The following TMEM230 variants were observed in gnomAD, a reference collection of about 807,000 sequenced individuals.
The protein encoded by TMEM230 is transmembrane protein 230, also known as UPF0414 transmembrane protein C20orf30.
Under a neutral mutation model 15.8 loss-of-function variants are expected in TMEM230, and 10 were observed. The ratio of observed to expected loss-of-function variants is 0.63; its 90% CI spans 0.39 to 1.07. TMEM230 has a LOEUF of 1.07. Ranked by LOEUF, TMEM230 falls within the 50% of genes least tolerant of loss-of-function variation. TMEM230 has a pLI of 0.01. For missense variants in TMEM230, 165 were observed against 193.3 expected (o/e 0.85, Z 0.87); for synonymous variants, 67 against 76.9 (o/e 0.87, Z 0.68).
intron 3 of TMEM230, among the ~76,000 whole-genome samples, chr20:5,094,110 C>A (rs1202548960): frequency 6.6e-6 from 1 of 152,008 alleles, no homozygotes; most frequent in Non-Finnish European, 1.5e-5. Context: ...AGGCACGTGC[C>A]ACCATACCTG....
At chr20:5,067,898 T>C (rs2088701587), downstream of TMEM230, 3 of 151,848 alleles carry the variant, frequency 2.0e-5, no homozygotes, top group South Asian at 6.2e-4. Flanking sequence ...TAGCTGGGAG[T>C]ACAGGCATGC....
chr20:5,109,213 CT>C, intron 3 of TMEM230, 118 bp downstream of exon 2: 1 of 738,872 alleles, frequency 1.4e-6, no homozygotes, highest in Non-Finnish European at 2.2e-6. Context: ...GCTGAGTTTT[CT>C]TCTTGTTGCT....
intron 3 of TMEM230, among the ~76,000 whole-genome samples, chr20:5,089,960 A>G (rs2089460740): frequency 6.6e-6 from 1 of 152,094 alleles, no homozygotes; most frequent in East Asian, 1.9e-4. Flanking sequence ...CGGAGGTTGC[A>G]GTGGGCTATC....
chr20:5,088,101 G>A (rs1351450625), intron 3 of TMEM230, among the ~76,000 whole-genome samples: 4 of 150,050 alleles, frequency 2.7e-5, no homozygotes, highest in Non-Finnish European at 4.4e-5. Context: ...CTGAGGTCAG[G>A]AGTTTGAAAC....
chr20:5,108,229 G>A (rs536817839), intron 3 of TMEM230, among the ~76,000 whole-genome samples: 7 of 152,140 alleles, frequency 4.6e-5, no homozygotes, highest in Non-Finnish European at 8.8e-5. Flanking sequence ...AGACCAGCCT[G>A]ACCAACATGG....
chr20:5,083,590 TTTATC>T lies in TMEM230; in HGVS notation c.223-14246_223-14242del, dbSNP rs377402283. ...CATTTGTTTTAACCCACAGCTTGGT[TTTATC>T]TTATTATAATTTATTTACAATCTTA... On this transcript the variant is annotated intron_variant, in intron 3 of 3. Coordinates refer to the TMEM230 transcript ENST00000612323. Among the ~76,000 whole-genome samples, 546 of 152,248 alleles carry T rather than the reference TTTATC, an allele frequency of 3.6e-3. 6 individuals are homozygous for T. Among genetic ancestry groups the T allele is most frequent in the South Asian group, 0.015 (72 of 4,826 alleles).
intron 1 of TMEM230, among the ~76,000 whole-genome samples, chr20:5,112,547 G>A (rs1433090035): frequency 1.3e-5 from 2 of 152,190 alleles, no homozygotes; most frequent in Non-Finnish European, 1.5e-5. Context: ...TTGGCAAAGA[G>A]GATTCTAAAA....
chr20:5,069,126 T>G lies in TMEM230; in HGVS notation c.*62A>C, dbSNP rs2088742795. The G allele has an allele frequency of 1.4e-5, 19 of 1,339,684 alleles. 1 individual carries two copies. In the South Asian group the frequency reaches 2.7e-4, roughly 19 times the overall value. The allele number at this position is 1,339,684 out of a possible 1,614,324, so 83.0% of individuals were successfully genotyped here. On this transcript the variant is annotated 3_prime_UTR_variant, in exon 4 of 4. Transcript: ENST00000612323. ...AGTCATTTTCATGCTGACGTACTTA[T>G]TCCTAGGACATTTTCAGTTTAGCCC...
At chr20:5,109,859 C>G (rs1297878939) in intron 2 of TMEM230, among the ~76,000 whole-genome samples, 2 of 152,170 alleles carry the variant, frequency 1.3e-5, no homozygotes, top group Non-Finnish European at 2.9e-5. Context: ...CTGTCCCCTG[C>G]TCCCGCTCTT....
rs1355100946 is a variant in TMEM230, at chr20:5,112,960, C to T, written c.68+1G>A. 2 of 1,550,262 alleles carry T rather than the reference C, an allele frequency of 1.3e-6. No individual in the cohort carries two copies. Among genetic ancestry groups the T allele is most frequent in the Admixed American group, 2.0e-5 (1 of 51,042 alleles). The stretch of plus-strand genomic sequence containing the variant: ...CCCGCCCTGCCGCACACACGCCTTA[C>T]CGGAGCGCCGCGCCAGGCCGCCCGC... On this transcript the variant is annotated splice_donor_variant, in intron 1 of 4. Coordinates refer to ENST00000342308, the MANE Select transcript of TMEM230 (RefSeq NM_001009923.2). LOFTEE classifies it high-confidence loss of function.
chr20:5,075,737 C>A (rs2088971478), intron 3 of TMEM230, among the ~76,000 whole-genome samples: 2 of 151,912 alleles, frequency 1.3e-5, no homozygotes, highest in South Asian at 2.1e-4. Context: ...AAATAATAAT[C>A]ATAATAAATA....
chr20:5,078,337 T>C (rs944256152), intron 3 of TMEM230, among the ~76,000 whole-genome samples: 2 of 152,204 alleles, frequency 1.3e-5, no homozygotes, highest in African/African-American at 4.8e-5. Context: ...CTTCACTCTG[T>C]TGAATAAACA....
chr20:5,109,363 G>C lies in TMEM230; in HGVS notation c.257C>G (p.Ser86Cys), dbSNP rs1411906884. 1 of 1,613,174 alleles carries C rather than the reference G, an allele frequency of 6.2e-7. No homozygotes were observed. Among genetic ancestry groups the C allele is most frequent in the Non-Finnish European group, 8.5e-7 (1 of 1,179,810 alleles). Residue 86 changes from serine (S) to cysteine (C), a missense_variant, in exon 3 of 5, where the codon TCC becomes TGC. Transcript: ENST00000342308. ...GTCAATGTAGCCATCGTCTGTGCTG[G>C]AGAGCCTTGAATATTTCACTTTACT...
chr20:5,098,029 G>C (rs1348532840), downstream of TMEM230, among the ~76,000 whole-genome samples: 1 of 138,066 alleles, frequency 7.2e-6, no homozygotes, highest in African/African-American at 2.8e-5. Flanking sequence ...CCAGGCTGGA[G>C]TGCAGTGGTG....
At chr20:5,064,314 C>G (rs538183243), downstream of TMEM230, among the ~76,000 whole-genome samples, 1 of 151,052 alleles carries the variant, frequency 6.6e-6, no homozygotes, top group Admixed American at 6.6e-5. Flanking sequence ...CAGTGGCTCA[C>G]GCCTGTAATC....
chr20:5,076,606 T>G (rs1388317914), intron 3 of TMEM230, among the ~76,000 whole-genome samples: 2 of 152,172 alleles, frequency 1.3e-5, no homozygotes, highest in African/African-American at 4.8e-5. Context: ...TGTATTTGTC[T>G]GTTATGTAAC....
Position 5,112,142 on chromosome 20 carries a change from CCTAA to C in TMEM230, c.69-541_69-538del, listed in dbSNP as rs369382397. ...TACAGGCGTGAGCCAGCGCGCCCGG[CCTAA>C]CTGTTTTACGTGGCTTGCAGTCAAT... is the stretch of plus-strand genomic sequence containing the variant. On this transcript the variant is annotated intron_variant, in intron 1 of 4. Transcript: ENST00000342308. Among the ~76,000 whole-genome samples the C allele has an allele frequency of 2.7e-3, 407 of 152,324 alleles. 2 individuals carry two copies. The highest frequency in any genetic ancestry group is 9.1e-3 in the African/African-American group (379 of 41,570).
rs567737058 is a variant in TMEM230 at position 5,109,244 on chromosome 20, A to G, written c.288+88T>C. ...GTTGCTCCTTCTAATCCCCAAGGACAGTTAGCAAAATCTCCATCTGGAAGG... is the reference window on the plus strand; with the variant it reads ...GTTGCTCCTTCTAATCCCCAAGGACGGTTAGCAAAATCTCCATCTGGAAGG... On this transcript the variant is annotated intron_variant, in intron 3 of 4. Transcript: ENST00000342308. 6.3e-5 allele frequency: 65 copies of G among 1,024,710 alleles called. No individual in the cohort carries two copies. The East Asian group carries it at 1.6e-3, about 26-fold the overall frequency. The allele number at this position is 1,024,710 out of a possible 1,614,324, so 63.5% of individuals were successfully genotyped here.
intron 3 of TMEM230, among the ~76,000 whole-genome samples, chr20:5,078,871 C>T (rs183787039): frequency 3.9e-5 from 6 of 152,002 alleles, no homozygotes; most frequent in Admixed American, 2.0e-4. Flanking sequence ...TTCCCTGCAG[C>T]CTCAACCTCC....
Sources: allele counts gnomAD v4.1 joint callset (sites outside exome capture counted in the v4.1 genomes callset), GRCh38; gene constraint gnomAD v4.1.1; transcripts MANE v1.5; gene names NCBI Gene and HGNC (gene_info 2026-07-23, HGNC 2026-07-21).